CFDP1: variants seen among roughly 807,000 people sequenced by gnomAD.
CFDP1 encodes the protein heterochromatin-stabilizing protein CFDP1.
A neutral mutation model predicts 40.1 loss-of-function variants in CFDP1; 31 were observed. The observed-to-expected ratio is 0.77, with a 90% CI of 0.58 to 1.04. The LOEUF is 1.04. Ranked by LOEUF, CFDP1 falls within the 50% of genes least tolerant of loss-of-function variation. The probability of loss-of-function intolerance (pLI) is 0.00; values close to 1 mark genes in which losing one functional copy is unlikely to be tolerated. For synonymous variants in CFDP1, 167 were observed against 120.0 expected, an observed-to-expected ratio of 1.39 and a Z score of -2.56; for missense variants, 423 against 343.4, an observed-to-expected ratio of 1.23 and a Z score of -1.83.
intron 5 of CFDP1, among the ~76,000 whole-genome samples, chr16:75,355,131 T>C (rs1242827583): frequency 1.3e-5 from 2 of 152,254 alleles, no homozygotes; most frequent in East Asian, 3.8e-4. Flanking sequence ...CTGCTGATCA[T>C]CTGAGCCTTC....
At position 75,410,124 on chromosome 16, in the gene CFDP1, C is replaced by T. The variant is rs184566037; in HGVS notation, c.530+1701G>A. Among the ~76,000 whole-genome samples the T allele has an allele frequency of 2.1e-5, 3 of 146,278 alleles. No homozygotes were observed. In the East Asian group the frequency reaches 6.0e-4, roughly 29 times the overall value. On this transcript the variant is annotated intron_variant, in intron 4 of 6. Coordinates refer to ENST00000283882, the MANE Select transcript of CFDP1 (RefSeq NM_006324.3). The stretch of plus-strand genomic sequence containing the variant: ...AAACTGATAGTGTCAATTCTTTTCC[C>T]TAAATATAGCTTCACTAGATAAATA...
chr16:75,327,685 G>C (rs905406280), intron 5 of CFDP1, among the ~76,000 whole-genome samples: 1 of 152,098 alleles, frequency 6.6e-6, no homozygotes, highest in Non-Finnish European at 1.5e-5. Flanking sequence ...CCATGGCTCA[G>C]TAGTGAACAA....
intron 6 of CFDP1, among the ~76,000 whole-genome samples, chr16:75,299,852 G>T (rs2078210122): frequency 6.6e-6 from 1 of 152,140 alleles, no homozygotes; most frequent in Non-Finnish European, 1.5e-5. Context: ...GTGTGACTGA[G>T]GGTTCCTTGG....
At chr16:75,374,161 G>A (rs1191430410) in intron 5 of CFDP1, among the ~76,000 whole-genome samples, 1 of 152,096 alleles carries the variant, frequency 6.6e-6, no homozygotes, top group Non-Finnish European at 1.5e-5. Flanking sequence ...GCTGAGACAT[G>A]AGAATCACTT....
chr16:75,330,137 G>GT (rs1307596909), intron 5 of CFDP1, among the ~76,000 whole-genome samples: 6 of 152,208 alleles, frequency 3.9e-5, no homozygotes, highest in Non-Finnish European at 2.9e-5. Flanking sequence ...GGCCACTGCT[G>GT]TAGCGAAAGC....
At chr16:75,373,896 T>C (rs1047305567) in intron 5 of CFDP1, among the ~76,000 whole-genome samples, 1 of 152,144 alleles carries the variant, frequency 6.6e-6, no homozygotes. Flanking sequence ...TTTACAAACA[T>C]ACTGTTTCTC....
In CFDP1 at chr16:75,411,964, A is replaced by C. The variant is rs1222224382; in HGVS notation, c.403-12T>G. 2.5e-6 allele frequency: 4 copies of C among 1,581,798 alleles called. No homozygotes were observed. Among genetic ancestry groups the C allele is most frequent in the East Asian group, 2.2e-5 (1 of 44,624 alleles). ...GTCTCCTCTCCTTTCTATAAAAAAA[A>C]CAAGAAATGTAATGTTTCACCAAAA... is the stretch of plus-strand genomic sequence containing the variant. On this transcript the variant is annotated splice_polypyrimidine_tract_variant and intron_variant, in intron 3 of 6. Transcript: ENST00000283882.
chr16:75,331,716 T>A (rs2078447405), intron 5 of CFDP1, among the ~76,000 whole-genome samples: 1 of 82,672 alleles, frequency 1.2e-5, no homozygotes, highest in Non-Finnish European at 2.8e-5. Context: ...TCCTTGTTAT[T>A]GCCACACTTT....
chr16:75,425,640 C>T (rs932386708), intron 1 of CFDP1, among the ~76,000 whole-genome samples: 7 of 149,632 alleles, frequency 4.7e-5, no homozygotes, highest in Admixed American at 4.7e-4. Flanking sequence ...AATGAAAATA[C>T]TGGACATCCA....
At chr16:75,311,739 T>A (rs960982708) in intron 5 of CFDP1, among the ~76,000 whole-genome samples, 4 of 151,806 alleles carry the variant, frequency 2.6e-5, no homozygotes, top group Admixed American at 6.6e-5. Flanking sequence ...GTATTTGTCA[T>A]CTGCTTACAA....
At chr16:75,395,002 G>C (rs1169475251) in intron 5 of CFDP1, 88 bp downstream of exon 5, 5 of 1,472,494 alleles carry the variant, frequency 3.4e-6, no homozygotes, top group Non-Finnish European at 4.7e-6. Flanking sequence ...CTCAGGCAAG[G>C]AGTCTGATCT....
At chr16:75,304,469 T>G (rs1400636374) in intron 6 of CFDP1, among the ~76,000 whole-genome samples, 1 of 152,234 alleles carries the variant, frequency 6.6e-6, no homozygotes, top group Non-Finnish European at 1.5e-5. Flanking sequence ...ACATTCTCTT[T>G]GTATTCCACA....
At chr16:75,328,697 G>C (rs1338426085) in intron 5 of CFDP1, among the ~76,000 whole-genome samples, 1 of 119,398 alleles carries the variant, frequency 8.4e-6, no homozygotes, top group Non-Finnish European at 1.7e-5. Context: ...TTTTTTTTTT[G>C]AGATGAACTC....
At chr16:75,408,769 T>G (rs913321194) in intron 4 of CFDP1, among the ~76,000 whole-genome samples, 17 of 151,842 alleles carry the variant, frequency 1.1e-4, no homozygotes, top group African/African-American at 3.9e-4. Context: ...ATCAAGACCC[T>G]GTCTCAAAAT....
intron 4 of CFDP1, among the ~76,000 whole-genome samples, chr16:75,409,640 A>C (rs1040176233): frequency 9.9e-5 from 15 of 152,272 alleles, no homozygotes; most frequent in Admixed American, 3.9e-4. Context: ...ATCGTGCTAC[A>C]ATGGAGAATG....
chr16:75,399,056 CAAAAAAAAA>C (rs58692180), intron 4 of CFDP1, among the ~76,000 whole-genome samples: 1 of 98,064 alleles, frequency 1.0e-5, no homozygotes, highest in African/African-American at 3.7e-5. Context: ...GACTCCGTCT[CAAAAAAAAA>C]AAAAAAAAAA....
chr16:75,364,441 C>A (rs1173263058), intron 5 of CFDP1, among the ~76,000 whole-genome samples: 2 of 152,010 alleles, frequency 1.3e-5, no homozygotes, highest in Admixed American at 1.3e-4. Context: ...TTTCAGGGAG[C>A]TGAAAAGGTT....
intron 5 of CFDP1, among the ~76,000 whole-genome samples, chr16:75,315,290 C>A (rs1285678638): frequency 1.6e-5 from 2 of 124,576 alleles, no homozygotes; most frequent in African/African-American, 3.0e-5. Flanking sequence ...AGAGATCATG[C>A]CACTACACAC....
At chr16:75,373,210 G>A (rs2078766721) in intron 5 of CFDP1, among the ~76,000 whole-genome samples, 1 of 152,150 alleles carries the variant, frequency 6.6e-6, no homozygotes, top group African/African-American at 2.4e-5. Flanking sequence ...CCCAAGCCAC[G>A]TTTTTGGAAA....
Sources: gnomAD v4.1 joint callset for allele counts (sites outside exome capture counted in the v4.1 genomes callset) on GRCh38, gnomAD v4.1.1 for gene constraint, MANE v1.5 for transcripts, NCBI Gene and HGNC (gene_info 2026-07-23, HGNC 2026-07-21) for gene names.